The following TMEM163 variants were observed in gnomAD, a reference collection of about 807,000 sequenced individuals.
The protein encoded by TMEM163 is transmembrane protein 163.
A neutral mutation model predicts 29.3 loss-of-function variants in TMEM163; 17 were observed. The ratio of observed to expected loss-of-function variants is 0.58; its 90% CI spans 0.40 to 0.87. TMEM163 has a LOEUF of 0.87. Ranked by LOEUF, TMEM163 falls within the 40% of genes least tolerant of loss-of-function variation. The pLI is 0.00. For missense variants in TMEM163, 303 were observed against 381.5 expected (o/e 0.79, Z 1.71); for synonymous variants, 157 against 160.6 (o/e 0.98, Z 0.17).
intron 2 of TMEM163, among the ~76,000 whole-genome samples, chr2:134,615,370 C>T (rs1001071472): frequency 1.3e-5 from 2 of 152,062 alleles, no homozygotes; most frequent in African/African-American, 4.8e-5. Flanking sequence ...GACAATGTTC[C>T]AAAAATATCA....
intron 2 of TMEM163, among the ~76,000 whole-genome samples, chr2:134,676,266 C>T (rs766048510): frequency 6.6e-6 from 1 of 152,136 alleles, no homozygotes; most frequent in Non-Finnish European, 1.5e-5. Flanking sequence ...GTGAGCCAGC[C>T]CACTCCAGTG....
chr2:134,587,379 C>A (rs1681845838), intron 2 of TMEM163, among the ~76,000 whole-genome samples: 1 of 152,148 alleles, frequency 6.6e-6, no homozygotes, highest in African/African-American at 2.4e-5. Flanking sequence ...CCATTGCACT[C>A]CAGCCTGGGT....
At chr2:134,718,643 C>A (rs1336215863) in intron 1 of TMEM163, 91 bp downstream of exon 1, 2 of 999,734 alleles carry the variant, frequency 2.0e-6, no homozygotes, top group Admixed American at 5.3e-5. Context: ...CTCCGAGCCC[C>A]GCGCCTCGCC....
intron 6 of TMEM163, chr2:134,458,843 T>G (rs1558908969): frequency 6.6e-6 from 1 of 152,218 alleles, no homozygotes; most frequent in Non-Finnish European, 1.5e-5. Flanking sequence ...GCTAAGTTTT[T>G]TGCAAAGTAT....
chr2:134,567,164 G>C (rs1681315095), intron 2 of TMEM163, among the ~76,000 whole-genome samples: 1 of 152,168 alleles, frequency 6.6e-6, no homozygotes, highest in Non-Finnish European at 1.5e-5. Flanking sequence ...TTCTGAGGCG[G>C]GAGATAGGGG....
chr2:134,514,668 T>C (rs914280055), intron 4 of TMEM163, among the ~76,000 whole-genome samples: 1 of 152,176 alleles, frequency 6.6e-6, no homozygotes, highest in Admixed American at 6.5e-5. Context: ...GAAGTGTGTA[T>C]CATTGCTCAC....
intron 4 of TMEM163, among the ~76,000 whole-genome samples, chr2:134,514,627 A>G (rs1207208094): frequency 2.0e-5 from 3 of 152,132 alleles, no homozygotes; most frequent in Non-Finnish European, 4.4e-5. Flanking sequence ...GTCAAAAGAA[A>G]ACAAGGAGGC....
chr2:134,593,222 G>C (rs1390058277), intron 2 of TMEM163, among the ~76,000 whole-genome samples: 1 of 152,160 alleles, frequency 6.6e-6, no homozygotes, highest in African/African-American at 2.4e-5. Flanking sequence ...AGGGAGGGAA[G>C]GGGGAGATGG....
chr2:134,563,171 C>T (rs923893301), intron 2 of TMEM163, among the ~76,000 whole-genome samples: 3 of 152,186 alleles, frequency 2.0e-5, no homozygotes, highest in African/African-American at 7.2e-5. Context: ...AATCAGACAC[C>T]ACCATTCCAT....
At chr2:134,649,355 C>T (rs1435581205) in intron 2 of TMEM163, among the ~76,000 whole-genome samples, 1 of 152,178 alleles carries the variant, frequency 6.6e-6, no homozygotes, top group African/African-American at 2.4e-5. Context: ...TGTCCTAGTG[C>T]CTATGACTGA....
intron 2 of TMEM163, among the ~76,000 whole-genome samples, chr2:134,712,388 G>A (rs1684945098): frequency 6.6e-6 from 1 of 151,956 alleles, no homozygotes; most frequent in African/African-American, 2.4e-5. Flanking sequence ...CACCTTGTGT[G>A]ATGCCTATCA....
rs774539673 is a variant in TMEM163 at position 134,456,470 on chromosome 2, C to T, written c.*246G>A. ...CCATCATACTCCAGAGACTAAAAAA[C>T]GCCAGTCCCAGCTGGAGACGGGGAA... On this transcript the variant is annotated 3_prime_UTR_variant, in exon 8 of 8. Transcript: ENST00000281924. 16 of 524,424 alleles carry T rather than the reference C, an allele frequency of 3.1e-5. No individual in the cohort carries two copies. Among genetic ancestry groups the T allele is most frequent in the Middle Eastern group, 5.1e-4 (1 of 1,956 alleles). The allele number at this position is 524,424 out of a possible 1,614,324, so 32.5% of individuals were successfully genotyped here. A position where few individuals can be genotyped will look rare whatever the true frequency, so the allele number is the denominator to read the frequency against.
rs143977394 is a variant in TMEM163, at chr2:134,574,794, G to A, written c.323-22703C>T. ...GAAGGAGCAGACTGCCAGATGGCTCGATTTGATGCAGCTGTGTAGGAGATT... is the reference window on the plus strand; with the variant it reads ...GAAGGAGCAGACTGCCAGATGGCTCAATTTGATGCAGCTGTGTAGGAGATT... On this transcript the variant is annotated intron_variant, in intron 2 of 7. Coordinates refer to ENST00000281924, the MANE Select transcript of TMEM163 (RefSeq NM_030923.5). 9.2e-5 allele frequency among the ~76,000 whole-genome samples: 14 copies of A among 152,252 alleles called. No individual in the cohort carries two copies. The East Asian group carries it at 9.7e-4, about 11-fold the overall frequency.
chr2:134,550,578 C>T lies in TMEM163; in HGVS notation c.450G>A (p.Arg150=), dbSNP rs746952011. Residue 150 remains arginine (R), a synonymous_variant, in exon 4 of 8, where the codon AGG becomes AGA. Coordinates refer to ENST00000281924, the MANE Select transcript of TMEM163 (RefSeq NM_030923.5). ...SNAAAVHSAH[R]EYIACVILGV... is the part of the protein sequence containing the mutation. ...GACAAGAATCTACTTACATGTACTC[C>T]CTATGGGCAGAGTGCACAGCGGCCG... The T allele has an allele frequency of 2.5e-6, 4 of 1,613,934 alleles. No homozygotes were observed. The highest frequency in any genetic ancestry group is 2.2e-5 in the East Asian group (1 of 44,870).
intron 2 of TMEM163, among the ~76,000 whole-genome samples, chr2:134,667,658 G>T (rs1683897510): frequency 6.6e-6 from 1 of 152,194 alleles, no homozygotes; most frequent in African/African-American, 2.4e-5. Context: ...ATTCATATAT[G>T]TAACCGCTTC....
intron 2 of TMEM163, among the ~76,000 whole-genome samples, chr2:134,656,476 C>T (rs1164495304): frequency 6.6e-6 from 1 of 152,128 alleles, no homozygotes; most frequent in Admixed American, 6.5e-5. Flanking sequence ...AAACCCGGTA[C>T]CTCAGATGGA....
chr2:134,625,614 G>A (rs1364777469), intron 2 of TMEM163, among the ~76,000 whole-genome samples: 2 of 152,218 alleles, frequency 1.3e-5, no homozygotes, highest in East Asian at 3.8e-4. Flanking sequence ...ATGTGGCCTT[G>A]ATGATTCTGA....
intron 2 of TMEM163, among the ~76,000 whole-genome samples, chr2:134,630,277 T>G (rs766213990): frequency 1.5e-4 from 22 of 149,642 alleles, no homozygotes; most frequent in African/African-American, 5.4e-4. Flanking sequence ...TAGGACAGGG[T>G]AGGTTTCTCA....
At chr2:134,688,267 C>G (rs1684388460) in intron 2 of TMEM163, among the ~76,000 whole-genome samples, 1 of 152,278 alleles carries the variant, frequency 6.6e-6, no homozygotes, top group Non-Finnish European at 1.5e-5. Flanking sequence ...TTCTTCCAGC[C>G]TCCCAGAGCC....
Sources: gnomAD v4.1 joint callset for allele counts (sites outside exome capture counted in the v4.1 genomes callset) on GRCh38, gnomAD v4.1.1 for gene constraint, MANE v1.5 for transcripts, NCBI Gene and HGNC (gene_info 2026-07-23, HGNC 2026-07-21) for gene names.